LARGE1: variants seen among roughly 807,000 people sequenced by gnomAD.
LARGE1 encodes xylosyl- and glucuronyltransferase LARGE1.
Under a neutral mutation model 87.6 loss-of-function variants are expected in LARGE1, and 43 were observed. The ratio of observed to expected loss-of-function variants is 0.49; its 90% CI spans 0.38 to 0.63. The LOEUF (loss-of-function observed/expected upper bound fraction) is 0.63, where lower values mean the gene tolerates loss of function less well. Ranked by LOEUF, LARGE1 falls within the 30% of genes least tolerant of loss-of-function variation. The pLI is 0.00. For missense variants in LARGE1, 802 were observed against 1,000.2 expected, an observed-to-expected ratio of 0.80 and a Z score of 2.67; for synonymous variants, 434 against 394.6, an observed-to-expected ratio of 1.10 and a Z score of -1.18.
intron 4 of LARGE1, among the ~76,000 whole-genome samples, chr22:33,606,413 TAAATAAAATAAAATG>T (rs955917017): frequency 3.7e-5 from 2 of 53,466 alleles, no homozygotes; most frequent in African/African-American, 1.8e-4. Flanking sequence ...ACAAAATAAA[TAAATAAAATAAAATG>T]AAATAAAATA....
intron 1 of LARGE1, among the ~76,000 whole-genome samples, chr22:33,814,063 G>A (rs571707629): frequency 6.6e-6 from 1 of 152,210 alleles, no homozygotes; most frequent in East Asian, 1.9e-4. Flanking sequence ...GACATGCTGA[G>A]GCCAAGAGTG....
intron 5 of LARGE1, among the ~76,000 whole-genome samples, chr22:33,596,354 G>C (rs2078976033): frequency 6.6e-6 from 1 of 152,142 alleles, no homozygotes. Context: ...GCTTTTCCAT[G>C]TCCATTCTGT....
intron 1 of LARGE1, among the ~76,000 whole-genome samples, chr22:33,779,580 G>A (rs1000488235): frequency 6.6e-6 from 1 of 152,002 alleles, no homozygotes; most frequent in African/African-American, 2.4e-5. Flanking sequence ...AAGAGTTGGA[G>A]ACCAGCCTGT....
At chr22:33,431,389 TG>T (rs11346579) in intron 7 of LARGE1, among the ~76,000 whole-genome samples, 59,010 of 151,994 alleles carry the variant, frequency 0.39, 12,763 homozygotes, top group African/African-American at 0.58. Context: ...GATGCAAGTT[TG>T]GGGCTAGTAA....
At chr22:33,340,375 C>G (rs907919856) in intron 9 of LARGE1, among the ~76,000 whole-genome samples, 1 of 151,812 alleles carries the variant, frequency 6.6e-6, no homozygotes, top group Non-Finnish European at 1.5e-5. Flanking sequence ...ATAAGCTGAA[C>G]CCTGAATGAT....
chr22:33,409,010 T>C (rs770661858), intron 7 of LARGE1, among the ~76,000 whole-genome samples: 6 of 152,276 alleles, frequency 3.9e-5, no homozygotes, highest in Non-Finnish European at 7.4e-5. Context: ...GCTTCATAAA[T>C]GTTGGCTCAA....
intron 2 of LARGE1, among the ~76,000 whole-genome samples, chr22:33,703,281 G>A (rs1047972891): frequency 5.3e-5 from 8 of 149,920 alleles, no homozygotes; most frequent in African/African-American, 1.5e-4. Flanking sequence ...GACAGGTGCA[G>A]CAAACCACTG....
In LARGE1 at chr22:33,535,963, T is replaced by C. The variant is rs1314448364; in HGVS notation, c.787+28885A>G. ...GGTGGACTTTGAGAGACCATGGAAA[T>C]GAGCTCATGTGTTCAAGTTGCCATG... On this transcript the variant is annotated intron_variant, in intron 6 of 14. Transcript: ENST00000397394. 2.6e-5 allele frequency among the ~76,000 whole-genome samples: 4 copies of C among 152,208 alleles called. No individual in the cohort carries two copies. In the East Asian group the frequency reaches 7.7e-4, roughly 29 times the overall value.
At chr22:33,667,847 G>A (rs2081310292) in intron 2 of LARGE1, among the ~76,000 whole-genome samples, 1 of 152,236 alleles carries the variant, frequency 6.6e-6, no homozygotes, top group South Asian at 2.1e-4. Flanking sequence ...CATGCCCGCT[G>A]TCTGAAAATC....
intron 2 of LARGE1, chr22:33,657,226 T>C (rs1448798292): frequency 6.6e-6 from 1 of 152,218 alleles, no homozygotes; most frequent in Non-Finnish European, 1.5e-5. Flanking sequence ...TCAGGAAAGC[T>C]GTCCGGTTGC....
intron 11 of LARGE1, among the ~76,000 whole-genome samples, chr22:33,313,448 G>A (rs1042670980): frequency 6.6e-6 from 1 of 152,212 alleles, no homozygotes; most frequent in African/African-American, 2.4e-5. Flanking sequence ...GACAGGCAGA[G>A]TTCTATGAGG....
At chr22:33,219,409 G>A (rs1925356476) in intron 11 of LARGE1, among the ~76,000 whole-genome samples, 1 of 152,152 alleles carries the variant, frequency 6.6e-6, no homozygotes, top group South Asian at 2.1e-4. Flanking sequence ...AAAATCTTTG[G>A]TATTTGTGAC....
At chr22:33,302,055 G>T (rs549725499) in intron 12 of LARGE1, among the ~76,000 whole-genome samples, 2 of 152,162 alleles carry the variant, frequency 1.3e-5, no homozygotes, top group African/African-American at 4.8e-5. Flanking sequence ...GGGTGGGCAG[G>T]GGTCCAATCC....
chr22:33,690,684 A>C (rs2082075094), intron 2 of LARGE1, among the ~76,000 whole-genome samples: 1 of 150,838 alleles, frequency 6.6e-6, no homozygotes, highest in African/African-American at 2.4e-5. Flanking sequence ...AAAAAAAAAA[A>C]AGGAATGGTA....
intron 1 of LARGE1, among the ~76,000 whole-genome samples, chr22:33,807,419 A>G (rs903385835): frequency 2.0e-5 from 3 of 152,202 alleles, no homozygotes; most frequent in Admixed American, 6.5e-5. Flanking sequence ...GTATAGAGAG[A>G]TTTCCCATAT....
rs1021532168 is a variant in LARGE1 at position 33,912,716 on chromosome 22, C to T, written c.-83+7279G>A. Among the ~76,000 whole-genome samples, 18 of 151,278 alleles carry T rather than the reference C, an allele frequency of 1.2e-4. 2 individuals carry two copies. The highest frequency in any genetic ancestry group is 1.1e-3 in the Admixed American group (16 of 15,204). ...GCCTTAAACGCCCTACAGTTTATTC[C>T]ATTCCTAGAACAAAATCTTTTTTGG... On this transcript the variant is annotated intron_variant, in intron 1 of 14. Coordinates refer to ENST00000397394, the MANE Select transcript of LARGE1 (RefSeq NM_133642.5).
the LARGE1 span, among the ~76,000 whole-genome samples, chr22:33,071,205 A>T: frequency 2.0e-5 from 3 of 152,102 alleles, no homozygotes; most frequent in South Asian, 4.2e-4. Flanking sequence ...TGACCATGAG[A>T]ACTTCTTTCC....
intron 10 of LARGE1, among the ~76,000 whole-genome samples, chr22:33,319,405 A>T (rs768039918): frequency 5.3e-5 from 8 of 151,630 alleles, no homozygotes; most frequent in Non-Finnish European, 7.4e-5. Flanking sequence ...AATACTACTT[A>T]TTTTTTTTGA....
At chr22:33,118,763 C>T in the LARGE1 span, among the ~76,000 whole-genome samples, 1 of 152,178 alleles carries the variant, frequency 6.6e-6, no homozygotes, top group African/African-American at 2.4e-5. Flanking sequence ...GTACTCAATA[C>T]CACCTGATAA....
Sources: allele counts gnomAD v4.1 joint callset (sites outside exome capture counted in the v4.1 genomes callset), GRCh38; gene constraint gnomAD v4.1.1; transcripts MANE v1.5; gene names NCBI Gene and HGNC (gene_info 2026-07-23, HGNC 2026-07-21).